The following ACTR3C variants were observed in gnomAD, a reference collection of about 807,000 sequenced individuals.
ACTR3C encodes actin-related protein 3C.
ACTR3C carries 18 observed loss-of-function variants against 26.3 expected under a neutral mutation model. That is an observed-to-expected ratio of 0.68 (90% CI 0.47 to 1.01). The LOEUF (loss-of-function observed/expected upper bound fraction) is 1.01, where lower values mean the gene tolerates loss of function less well. Among genes scored for constraint, ACTR3C ranks in the 50% least tolerant of loss-of-function variants. The pLI is 0.00. For synonymous variants in ACTR3C, 55 were observed against 94.5 expected (o/e 0.58, Z 2.42); for missense variants, 184 against 250.7 (o/e 0.73, Z 1.80).
At chr7:150,023,812 T>C in the ACTR3C span, among the ~76,000 whole-genome samples, 1 of 144,652 alleles carries the variant, frequency 6.9e-6, no homozygotes, top group Non-Finnish European at 1.5e-5. Context: ...TTGAGTCTTC[T>C]GGGCTGGTGG....
the ACTR3C span, among the ~76,000 whole-genome samples, chr7:150,069,183 G>T: frequency 8.3e-3 from 1,268 of 152,266 alleles, 18 homozygotes; most frequent in African/African-American, 0.029. Flanking sequence ...TTAGTCACAG[G>T]TAATGCCAAA....
At chr7:150,029,460 G>C in the ACTR3C span, among the ~76,000 whole-genome samples, 3 of 149,680 alleles carry the variant, frequency 2.0e-5, no homozygotes, top group African/African-American at 7.4e-5. Flanking sequence ...GCATGCACTT[G>C]ACAGGCTGAG....
At chr7:150,230,020 T>C in the ACTR3C span, among the ~76,000 whole-genome samples, 3 of 148,338 alleles carry the variant, frequency 2.0e-5, no homozygotes, top group Non-Finnish European at 4.5e-5. Context: ...AGGTCAGGAG[T>C]TCGAGACCAG....
the ACTR3C span, among the ~76,000 whole-genome samples, chr7:150,203,356 T>A: frequency 2.6e-5 from 4 of 152,196 alleles, no homozygotes; most frequent in African/African-American, 9.7e-5. Flanking sequence ...AAAATGAGAT[T>A]TTTCCACTTT....
At chr7:150,198,645 C>CA in the ACTR3C span, among the ~76,000 whole-genome samples, 1 of 148,342 alleles carries the variant, frequency 6.7e-6, no homozygotes, top group African/African-American at 2.6e-5. Context: ...ATCCTCCGCC[C>CA]GGCAGCTGCC....
chr7:150,147,057 G>A, the ACTR3C span, among the ~76,000 whole-genome samples: 1 of 152,132 alleles, frequency 6.6e-6, no homozygotes, highest in Non-Finnish European at 1.5e-5. Context: ...CATGCCTCTT[G>A]TAATGTTGAG....
the ACTR3C span, among the ~76,000 whole-genome samples, chr7:150,105,074 ATTCTTTTT>A: frequency 4.0e-5 from 6 of 148,888 alleles, no homozygotes; most frequent in East Asian, 9.8e-4. Flanking sequence ...TGCCTTCTTC[ATTCTTTTT>A]TTCTTTTTTT....
At chr7:150,306,891 G>C (rs1442554052) in intron 1 of ACTR3C, among the ~76,000 whole-genome samples, 1 of 152,170 alleles carries the variant, frequency 6.6e-6, no homozygotes, top group Non-Finnish European at 1.5e-5. Context: ...TCATACAAGG[G>C]AGTATTATAC....
At chr7:150,194,278 A>T in the ACTR3C span, among the ~76,000 whole-genome samples, 2 of 145,956 alleles carry the variant, frequency 1.4e-5, no homozygotes, top group Non-Finnish European at 3.0e-5. Context: ...ATATATTATT[A>T]TATAATATAT....
chr7:150,191,050 A>G, the ACTR3C span, among the ~76,000 whole-genome samples: 1 of 152,190 alleles, frequency 6.6e-6, no homozygotes, highest in Non-Finnish European at 1.5e-5. Context: ...ATAATTCAAG[A>G]TGAGATTTGG....
chr7:150,091,987 CAAAAAAAAAAAAAAAAAAAAAA>C, the ACTR3C span, among the ~76,000 whole-genome samples: 1 of 19,410 alleles, frequency 5.2e-5, no homozygotes, highest in East Asian at 4.4e-3. Flanking sequence ...GACTCCGTCT[CAAAAAAAAAAAAAAAAAAAAAA>C]AAAAAAAAAA....
downstream of ACTR3C, chr7:150,246,894 G>C (rs2129608817): frequency 6.6e-6 from 1 of 152,344 alleles, no homozygotes; most frequent in East Asian, 1.9e-4. Context: ...CTGTGTTCAA[G>C]CAATTCTCCC....
At chr7:149,908,623 C>T in the ACTR3C span, among the ~76,000 whole-genome samples, 7 of 152,312 alleles carry the variant, frequency 4.6e-5, no homozygotes, top group South Asian at 2.1e-4. Context: ...ATTACAACAT[C>T]GTGGCCCCCT....
At chr7:150,029,259 C>T in the ACTR3C span, among the ~76,000 whole-genome samples, 177 of 152,080 alleles carry the variant, frequency 1.2e-3, 1 homozygote, top group African/African-American at 4.0e-3. Context: ...TCGTTTCATT[C>T]AACTTCAAAC....
At chr7:150,090,932 C>A in the ACTR3C span, among the ~76,000 whole-genome samples, 3 of 152,186 alleles carry the variant, frequency 2.0e-5, no homozygotes, top group South Asian at 6.2e-4. Flanking sequence ...GAGGCAGAAT[C>A]TAGCTACTTC....
chr7:150,105,668 A>T, the ACTR3C span, among the ~76,000 whole-genome samples: 2 of 152,044 alleles, frequency 1.3e-5, no homozygotes, highest in Non-Finnish European at 2.9e-5. Flanking sequence ...TTACTTATAA[A>T]TGTAAAAGAC....
At chr7:150,087,765 A>G in the ACTR3C span, among the ~76,000 whole-genome samples, 3 of 152,244 alleles carry the variant, frequency 2.0e-5, no homozygotes, top group Non-Finnish European at 2.9e-5. Flanking sequence ...CTGCCTCCAG[A>G]AGAAAACACA....
At chr7:149,919,966 G>A in the ACTR3C span, among the ~76,000 whole-genome samples, 1 of 113,332 alleles carries the variant, frequency 8.8e-6, no homozygotes, top group East Asian at 2.5e-4. Context: ...TGATATTGTT[G>A]ACTTCCAGGA....
the ACTR3C span, among the ~76,000 whole-genome samples, chr7:150,227,053 C>A: frequency 1.4e-5 from 2 of 147,032 alleles, no homozygotes; most frequent in Non-Finnish European, 3.0e-5. Context: ...ATGTTTTGAC[C>A]TACATATATA....
Sources: allele counts gnomAD v4.1 joint callset (sites outside exome capture counted in the v4.1 genomes callset), GRCh38; gene constraint gnomAD v4.1.1; transcripts MANE v1.5; gene names NCBI Gene and HGNC (gene_info 2026-07-23, HGNC 2026-07-21).